Variants in PCM1 observed in about 807,000 individuals in gnomAD.
The protein encoded by PCM1 is pericentriolar material 1 protein.
Under a neutral mutation model 241.9 loss-of-function variants are expected in PCM1, and 157 were observed. The ratio of observed to expected loss-of-function variants is 0.65; its 90% CI spans 0.57 to 0.74. The LOEUF is 0.74. PCM1 is among the 30% of genes least tolerant of loss of function. PCM1 has a pLI of 0.00. For synonymous variants in PCM1, 1,085 were observed against 784.9 expected, an observed-to-expected ratio of 1.38 and a Z score of -6.39; for missense variants, 3,478 against 2,360.1, an observed-to-expected ratio of 1.47 and a Z score of -9.81.
chr8:17,949,240 T>C (rs1297686694), intron 7 of PCM1, among the ~76,000 whole-genome samples: 1 of 152,180 alleles, frequency 6.6e-6, no homozygotes, highest in African/African-American at 2.4e-5. Flanking sequence ...TGAAAAGCCA[T>C]GGAAAGCTAC....
At chr8:17,940,807 T>C (rs1279269388) in intron 6 of PCM1, among the ~76,000 whole-genome samples, 1 of 152,174 alleles carries the variant, frequency 6.6e-6, no homozygotes, top group Non-Finnish European at 1.5e-5. Context: ...TAAAACTTAG[T>C]GTGGTTCAAT....
chr8:18,022,098 A>G (rs551568531), intron 36 of PCM1, among the ~76,000 whole-genome samples: 4 of 152,218 alleles, frequency 2.6e-5, no homozygotes, highest in Middle Eastern at 3.4e-3. Context: ...ACTACTCACA[A>G]TGCAGCAAAA....
rs374744799 is a variant in PCM1 at position 17,959,441 on chromosome 8, C to T, written c.2041-573C>T. 2.8e-4 allele frequency among the ~76,000 whole-genome samples: 43 copies of T among 152,030 alleles called. No homozygotes were observed. In the East Asian group the frequency reaches 6.2e-3, roughly 22 times the overall value. On this transcript the variant is annotated intron_variant, in intron 13 of 38. Transcript: ENST00000325083. ...TACTATATACTTGTTTTCAATCTTT[C>T]GCTATTTAGAAACAATGCACCAAAG...
intron 2 of PCM1, among the ~76,000 whole-genome samples, chr8:17,929,461 C>T (rs1231137416): frequency 3.3e-5 from 5 of 152,154 alleles, no homozygotes; most frequent in South Asian, 4.1e-4. Context: ...AGAGATAGAT[C>T]GCTATTTGTC....
At chr8:18,012,807 T>C (rs910867547) in intron 34 of PCM1, among the ~76,000 whole-genome samples, 1 of 152,228 alleles carries the variant, frequency 6.6e-6, no homozygotes, top group African/African-American at 2.4e-5. Context: ...CTTTTGGTTT[T>C]ACTTTGAGAG....
chr8:17,985,509 A>C lies in PCM1; in HGVS notation c.4171A>C (p.Thr1391Pro), dbSNP rs768878393. ...LRDTIYSEVATLISQNESRPH... is the reference protein window; with the variant it reads ...LRDTIYSEVAPLISQNESRPH... The stretch of plus-strand genomic sequence containing the variant: ...AGATACTATTTATTCTGAAGTAGCT[A>C]CATTAATTTCTCAAAATGAATCTCG... Residue 1391 changes from threonine to proline, a missense_variant, in exon 25 of 39, where the codon ACA becomes CCA. Physicochemically the swap from Thr to Pro is conservative, Grantham distance 38. Coordinates refer to ENST00000325083, the MANE Select transcript of PCM1 (RefSeq NM_006197.4). 1.9e-6 allele frequency: 3 copies of C among 1,576,852 alleles called. No individual in the cohort carries two copies. Among genetic ancestry groups the C allele is most frequent in the Non-Finnish European group, 1.7e-6 (2 of 1,158,364 alleles).
rs768962245 is a variant in PCM1, at chr8:17,939,684, C to T, written c.613-7C>T. The T allele has an allele frequency of 1.3e-6, 2 of 1,482,950 alleles. No individual in the cohort carries two copies. The highest frequency in any genetic ancestry group is 2.5e-5 in the East Asian group (1 of 40,512). The allele number at this position is 1,482,950 out of a possible 1,614,324, so 91.9% of individuals were successfully genotyped here. ...TGCTTTTTTTAAAAAAAATATTTCC[C>T]CTGCAGATTGTAAGCAGGCTTGTTC... On this transcript the variant is annotated splice_polypyrimidine_tract_variant and splice_region_variant and intron_variant, in intron 5 of 38. Transcript: ENST00000325083.
At chr8:17,971,537 G>A (rs1003592278) in intron 22 of PCM1, among the ~76,000 whole-genome samples, 5 of 152,204 alleles carry the variant, frequency 3.3e-5, no homozygotes, top group African/African-American at 1.2e-4. Context: ...AGAAATGACA[G>A]TAGACTAATA....
At chr8:17,927,110 T>G (rs2057280435) in intron 2 of PCM1, 2 of 152,068 alleles carry the variant, frequency 1.3e-5, no homozygotes, top group African/African-American at 4.8e-5. Flanking sequence ...TTTTTTTCGT[T>G]ACTGATCACT....
intron 6 of PCM1, among the ~76,000 whole-genome samples, chr8:17,944,667 A>T (rs1051953920): frequency 6.6e-6 from 1 of 152,124 alleles, no homozygotes; most frequent in East Asian, 1.9e-4. Context: ...TCCAGGTGCC[A>T]TCTTCCTGGT....
At chr8:18,025,833 G>T (rs983259590) in intron 38 of PCM1, among the ~76,000 whole-genome samples, 175 bp downstream of exon 38, 4 of 152,140 alleles carry the variant, frequency 2.6e-5, no homozygotes, top group Non-Finnish European at 4.4e-5. Flanking sequence ...AACAGTGTCA[G>T]ATAATTTTTT....
intron 29 of PCM1, among the ~76,000 whole-genome samples, chr8:18,001,995 C>CTTTTTTTTTTTTTTTTTTTTTTTT (rs1166401113): frequency 4.3e-5 from 1 of 23,398 alleles, no homozygotes. Flanking sequence ...TCTAACCTTT[C>CTTTTTTTTTTTTTTTTTTTTTTTT]TTTTTTTTTT....
rs572085403 is a variant in PCM1 at position 17,964,335 on chromosome 8, T to A, written c.2655-233T>A. ...CTTTGGGAAGTAGTCCCAGGGGATATGATGATTATTTAAATGTATTTGAAG... is the reference window on the plus strand; with the variant it reads ...CTTTGGGAAGTAGTCCCAGGGGATAAGATGATTATTTAAATGTATTTGAAG... On this transcript the variant is annotated intron_variant, in intron 17 of 38. Transcript: ENST00000325083. 5.3e-3 allele frequency among the ~76,000 whole-genome samples: 810 copies of A among 152,288 alleles called. 4 individuals are homozygous for A. The highest frequency in any genetic ancestry group is 0.018 in the African/African-American group (766 of 41,552).
intron 6 of PCM1, among the ~76,000 whole-genome samples, chr8:17,945,194 G>A (rs991718772): frequency 1.3e-5 from 2 of 151,914 alleles, no homozygotes; most frequent in Non-Finnish European, 2.9e-5. Flanking sequence ...CTTCAAAGTT[G>A]TTTTTTTCCT....
At chr8:18,026,724 TTTTG>T (rs1419557498) in intron 38 of PCM1, among the ~76,000 whole-genome samples, 2 of 152,056 alleles carry the variant, frequency 1.3e-5, no homozygotes, top group Non-Finnish European at 2.9e-5. Context: ...TTCATATTAT[TTTTG>T]TTTGTTCTAT....
At chr8:17,944,070 A>T (rs1430290644) in intron 6 of PCM1, among the ~76,000 whole-genome samples, 1 of 152,100 alleles carries the variant, frequency 6.6e-6, no homozygotes, top group Non-Finnish European at 1.5e-5. Flanking sequence ...GTTTTCCTAT[A>T]CTCATGGCCC....
chr8:18,017,047 T>TA (rs2093290970), intron 36 of PCM1, among the ~76,000 whole-genome samples: 1 of 152,318 alleles, frequency 6.6e-6, no homozygotes, highest in Non-Finnish European at 1.5e-5. Flanking sequence ...GGAAGCATGT[T>TA]AATGGATGAC....
intron 29 of PCM1, chr8:18,006,024 A>G: frequency 4.9e-6 from 2 of 406,604 alleles, no homozygotes; most frequent in Non-Finnish European, 8.8e-6. Context: ...TGGATCAGCC[A>G]GTTCTTTTAC....
rs1255919843 is a variant in PCM1 at position 17,989,968 on chromosome 8, C to T, written c.4520C>T (p.Thr1507Ile). 2 of 1,533,368 alleles carry T rather than the reference C, an allele frequency of 1.3e-6. No homozygotes were observed. Among genetic ancestry groups the T allele is most frequent in the African/African-American group, 1.4e-5 (1 of 72,350 alleles). The allele number at this position is 1,533,368 out of a possible 1,614,324, so 95.0% of individuals were successfully genotyped here. The change falls in exon 27 of 39, where the codon ACA becomes ATA. Residue 1507 changes from threonine to isoleucine, a missense_variant. Physicochemically the swap from Thr to Ile is moderately conservative, Grantham distance 89. Transcript: ENST00000325083. ...SVSSNFEPFA[T>I]DDLGNTVIHL... ...TCATCAAATTTTGAGCCTTTTGCAA[C>T]AGATGATCTAGGTAAGCAGAATTGT... is the stretch of plus-strand genomic sequence containing the variant.
Sources: gnomAD v4.1 joint callset for allele counts (sites outside exome capture counted in the v4.1 genomes callset) on GRCh38, gnomAD v4.1.1 for gene constraint, MANE v1.5 for transcripts, NCBI Gene and HGNC (gene_info 2026-07-23, HGNC 2026-07-21) for gene names.